PCDHA3: variants seen among roughly 807,000 people sequenced by gnomAD.
PCDHA3 encodes protocadherin alpha 3.
A neutral mutation model predicts 62.2 loss-of-function variants in PCDHA3; 41 were observed. That is an observed-to-expected ratio of 0.66 (90% CI 0.51 to 0.86). The LOEUF (loss-of-function observed/expected upper bound fraction) is 0.86. PCDHA3 is among the 40% of genes least tolerant of loss of function. PCDHA3 has a pLI of 0.00. For missense variants in PCDHA3, 1,304 were observed against 1,241.2 expected (o/e 1.05, Z -0.76); for synonymous variants, 640 against 555.4 (o/e 1.15, Z -2.14).
intron 1 of PCDHA3, among the ~76,000 whole-genome samples, chr5:140,806,286 T>C (rs1489649696): frequency 2.0e-5 from 3 of 152,184 alleles, no homozygotes; most frequent in African/African-American, 7.2e-5. Context: ...CTAAAATATA[T>C]AAGCACTATA....
intron 1 of PCDHA3, chr5:140,968,899 A>G (rs782594245): frequency 6.2e-7 from 1 of 1,614,130 alleles, no homozygotes; most frequent in Non-Finnish European, 8.5e-7. Context: ...TAATAATAGC[A>G]TTAAGCACAG....
chr5:140,932,222 A>T (rs2088129167), intron 1 of PCDHA3, among the ~76,000 whole-genome samples: 1 of 151,870 alleles, frequency 6.6e-6, no homozygotes, highest in African/African-American at 2.4e-5. Flanking sequence ...GGCAATTTAA[A>T]TTTTTTAGAA....
At chr5:140,920,616 C>T (rs929240808) in intron 1 of PCDHA3, among the ~76,000 whole-genome samples, 3 of 152,128 alleles carry the variant, frequency 2.0e-5, no homozygotes, top group Admixed American at 1.3e-4. Context: ...GAGGCCGAGG[C>T]GGATGGATCA....
At chr5:140,870,416 C>T in intron 1 of PCDHA3, 1 of 1,614,230 alleles carries the variant, frequency 6.2e-7, no homozygotes, top group Non-Finnish European at 8.5e-7. Flanking sequence ...TGGGCCACGG[C>T]CAGGGTATCC....
intron 1 of PCDHA3, chr5:140,876,262 C>A (rs1554168436): frequency 6.2e-7 from 1 of 1,614,012 alleles, no homozygotes. Context: ...AGTGATCCAA[C>A]TAAATGCTTC....
chr5:140,851,315 T>C (rs2042026513), intron 1 of PCDHA3: 1 of 992,586 alleles, frequency 1.0e-6, no homozygotes, highest in African/African-American at 1.7e-5. Context: ...AATTGTTACC[T>C]TGTTAAGTTT....
At chr5:140,905,669 A>T (rs781948009) in intron 1 of PCDHA3, among the ~76,000 whole-genome samples, 1 of 152,228 alleles carries the variant, frequency 6.6e-6, no homozygotes, top group Non-Finnish European at 1.5e-5. Flanking sequence ...ATCCATTAAC[A>T]TGGAACATAT....
At chr5:140,920,069 G>C (rs527472900) in intron 1 of PCDHA3, among the ~76,000 whole-genome samples, 1 of 152,288 alleles carries the variant, frequency 6.6e-6, no homozygotes, top group Non-Finnish European at 1.5e-5. Context: ...GGAAAAGGCA[G>C]AAACAGATTC....
At chr5:140,962,104 C>T (rs1387807188) in intron 1 of PCDHA3, among the ~76,000 whole-genome samples, 1 of 152,056 alleles carries the variant, frequency 6.6e-6, no homozygotes, top group Non-Finnish European at 1.5e-5. Context: ...CCAGGATGGT[C>T]TCGATCTCCT....
intron 1 of PCDHA3, chr5:140,834,480 T>C: frequency 1.2e-6 from 2 of 1,614,154 alleles, no homozygotes; most frequent in Non-Finnish European, 8.5e-7. Flanking sequence ...CCAGCTCCAC[T>C]ACTCGGTCCC....
At chr5:140,882,374 C>A in intron 1 of PCDHA3, 1 of 1,614,186 alleles carries the variant, frequency 6.2e-7, no homozygotes, top group East Asian at 2.2e-5. Flanking sequence ...CTACTCCGTC[C>A]CCGAGGAAGC....
intron 1 of PCDHA3, chr5:140,849,292 C>T (rs1472038377): frequency 1.5e-5 from 18 of 1,231,626 alleles, no homozygotes; most frequent in African/African-American, 1.8e-5. Flanking sequence ...CACCCCAATG[C>T]CTCAGATTTA....
chr5:140,811,802 T>A (rs558844210), intron 1 of PCDHA3: 2 of 152,236 alleles, frequency 1.3e-5, no homozygotes, highest in Admixed American at 6.5e-5. Flanking sequence ...TGTCTTCTTT[T>A]GAGAAGTGTC....
Position 140,801,313 on chromosome 5 carries a change from C to T in PCDHA3, c.116C>T (p.Ala39Val), listed in dbSNP as rs1489581574. The T allele has an allele frequency of 3.1e-6, 5 of 1,613,302 alleles. No homozygotes were observed. In the East Asian group the frequency reaches 6.7e-5, roughly 22 times the overall value. ...GQLHYSVSEE[A>V]KHGTFVGRIA... is the part of the protein sequence containing the mutation. The stretch of plus-strand genomic sequence containing the variant: ...CTCCACTACTCCGTCTCTGAGGAGG[C>T]CAAGCATGGCACCTTCGTGGGCCGC... Residue 39 changes from alanine to valine, a missense_variant, in exon 1 of 4, where the codon GCC becomes GTC. Transcript: ENST00000522353.
At chr5:140,858,846 T>C (rs2045621304) in intron 1 of PCDHA3, 1 of 295,454 alleles carries the variant, frequency 3.4e-6, no homozygotes, top group Non-Finnish European at 6.4e-6. Flanking sequence ...ATTCCACTGA[T>C]CTATATCTCT....
chr5:140,967,698 A>T, intron 1 of PCDHA3: 1 of 1,614,174 alleles, frequency 6.2e-7, no homozygotes, highest in Non-Finnish European at 8.5e-7. Context: ...TTCAGCATAG[A>T]TGCCAGTACC....
chr5:140,841,061 G>T (rs1479133522), intron 1 of PCDHA3: 1 of 457,826 alleles, frequency 2.2e-6, no homozygotes, highest in Non-Finnish European at 3.8e-6. Flanking sequence ...ATTAAATTAT[G>T]ATAAAGAAAT....
In PCDHA3 at chr5:140,802,385, G is replaced by A; in HGVS notation, c.1188G>A (p.Lys396=). 1 of 1,614,252 alleles carries A rather than the reference G, an allele frequency of 6.2e-7. No homozygotes were observed. Among genetic ancestry groups the A allele is most frequent in the Non-Finnish European group, 8.5e-7 (1 of 1,180,040 alleles). ...CGCTGACGCCCCACGTCCCCTTCAAGCTGGTGTCCACCTTCAAGAATTACT... is the reference window on the plus strand; with the variant it reads ...CGCTGACGCCCCACGTCCCCTTCAAACTGGTGTCCACCTTCAAGAATTACT... The part of the protein sequence containing the change: ...TCSLTPHVPF[K]LVSTFKNYYS... The change falls in exon 1 of 4, where the codon AAG becomes AAA. Residue 396 remains lysine, a synonymous_variant. Transcript: ENST00000522353.
At chr5:140,828,585 A>G in intron 1 of PCDHA3, 1 of 1,614,250 alleles carries the variant, frequency 6.2e-7, no homozygotes, top group South Asian at 1.1e-5. Context: ...GTTGGCTCAA[A>G]TTCCATCTTA....
Sources: allele counts gnomAD v4.1 joint callset (sites outside exome capture counted in the v4.1 genomes callset), GRCh38; gene constraint gnomAD v4.1.1; transcripts MANE v1.5; gene names NCBI Gene and HGNC (gene_info 2026-07-23, HGNC 2026-07-21).